Variants in CLSTN2 observed in about 807,000 individuals in gnomAD.
The protein encoded by CLSTN2 is calsyntenin 2.
Under a neutral mutation model 101.2 loss-of-function variants are expected in CLSTN2, and 48 were observed. The observed-to-expected ratio is 0.47, with a 90% CI of 0.38 to 0.60. The LOEUF (loss-of-function observed/expected upper bound fraction) is 0.60. Among genes scored for constraint, CLSTN2 ranks in the 20% least tolerant of loss-of-function variants. The probability of loss-of-function intolerance (pLI) is 0.00; values close to 1 mark genes in which losing one functional copy is unlikely to be tolerated. For synonymous variants in CLSTN2, 481 were observed against 463.6 expected (o/e 1.04, Z -0.48); for missense variants, 1,160 against 1,238.2 (o/e 0.94, Z 0.95).
At chr3:140,004,613 A>G (rs2006917043) in intron 1 of CLSTN2, among the ~76,000 whole-genome samples, 1 of 152,200 alleles carries the variant, frequency 6.6e-6, no homozygotes, top group Non-Finnish European at 1.5e-5. Flanking sequence ...TAATTTACTA[A>G]CATAGTGGAG....
chr3:140,532,273 T>G lies in CLSTN2; in HGVS notation c.1345-51T>G, dbSNP rs6788857. On this transcript the variant is annotated intron_variant, in intron 8 of 16. Coordinates refer to ENST00000458420, the MANE Select transcript of CLSTN2 (RefSeq NM_022131.3). ...TTTCATAGAGTAAAAGCCTGTTTGA[T>G]GTTTTATTACATATTCAATTTTAAA... 8.3e-3 allele frequency: 12,176 copies of G among 1,472,438 alleles called. 798 individuals carry two copies. The African/African-American group carries it at 0.15, about 18-fold the overall frequency. The allele number at this position is 1,472,438 out of a possible 1,614,324, so 91.2% of individuals were successfully genotyped here.
chr3:140,095,553 C>G (rs567290301), intron 1 of CLSTN2, among the ~76,000 whole-genome samples: 1 of 152,224 alleles, frequency 6.6e-6, no homozygotes, highest in Non-Finnish European at 1.5e-5. Flanking sequence ...CTTCTGATCA[C>G]GTCATGCATT....
chr3:140,375,334 G>T (rs1479854), intron 2 of CLSTN2, among the ~76,000 whole-genome samples: 3 of 152,158 alleles, frequency 2.0e-5, no homozygotes, highest in African/African-American at 7.2e-5. Context: ...CTCCACTCAG[G>T]GGATGTTTGC....
chr3:140,211,446 T>C (rs1380365300), intron 2 of CLSTN2, among the ~76,000 whole-genome samples: 1 of 142,438 alleles, frequency 7.0e-6, no homozygotes, highest in African/African-American at 2.5e-5. Context: ...TATATATTAT[T>C]TATCAAAAAT....
At chr3:140,381,539 G>A (rs992260987) in intron 2 of CLSTN2, among the ~76,000 whole-genome samples, 3 of 152,212 alleles carry the variant, frequency 2.0e-5, no homozygotes, top group African/African-American at 7.2e-5. Context: ...GGTCTAAATT[G>A]TGTAAAGCTC....
intron 2 of CLSTN2, among the ~76,000 whole-genome samples, chr3:140,366,471 T>G (rs2087790629): frequency 6.6e-6 from 1 of 152,188 alleles, no homozygotes; most frequent in Non-Finnish European, 1.5e-5. Flanking sequence ...GACACTAAAA[T>G]GCATGGCAGC....
At chr3:140,378,380 A>G (rs889173946) in intron 2 of CLSTN2, among the ~76,000 whole-genome samples, 5 of 152,240 alleles carry the variant, frequency 3.3e-5, no homozygotes, top group Non-Finnish European at 7.3e-5. Context: ...ATATCTAAAT[A>G]TGTTTAATTC....
In CLSTN2 at chr3:140,575,270, T is replaced by C. The variant is rs752887224; in HGVS notation, c.*9017T>C. 2 of 152,176 alleles carry C rather than the reference T, an allele frequency of 1.3e-5. No homozygotes were observed. Among genetic ancestry groups the C allele is most frequent in the African/African-American group, 4.8e-5 (2 of 41,416 alleles). The allele number at this position is 152,176 out of a possible 1,614,324, so 9.4% of individuals were successfully genotyped here. ...AGATATTGAGGGAAAATGTGACTCA[T>C]AGTTGGAGAGGAAACAGGAGAGTGG... On this transcript the variant is annotated 3_prime_UTR_variant, in exon 17 of 17. Coordinates refer to ENST00000458420, the MANE Select transcript of CLSTN2 (RefSeq NM_022131.3).
At chr3:140,219,364 G>T (rs140688636) in intron 2 of CLSTN2, among the ~76,000 whole-genome samples, 2 of 152,164 alleles carry the variant, frequency 1.3e-5, no homozygotes, top group East Asian at 2.0e-4. Context: ...TTAGTTGCGC[G>T]TGAGTGAGTT....
intron 2 of CLSTN2, among the ~76,000 whole-genome samples, chr3:140,364,139 G>A (rs920951016): frequency 3.9e-5 from 6 of 152,110 alleles, no homozygotes; most frequent in East Asian, 1.9e-4. Flanking sequence ...TTATCCACCC[G>A]CTTCCCAGAA....
In CLSTN2 at chr3:140,305,849, T is replaced by C. The variant is rs565243856; in HGVS notation, c.233-97780T>C. On this transcript the variant is annotated intron_variant, in intron 2 of 16. Coordinates refer to ENST00000458420, the MANE Select transcript of CLSTN2 (RefSeq NM_022131.3). ...TTTTCAAAGTGCACAAAATGAAGCC[T>C]GGCAGGACTGACACTAAAAACTGAT... is the stretch of plus-strand genomic sequence containing the variant. Among the ~76,000 whole-genome samples the C allele has an allele frequency of 7.9e-5, 12 of 152,216 alleles. No individual in the cohort carries two copies. In the East Asian group the frequency reaches 2.3e-3, roughly 29 times the overall value.
intron 5 of CLSTN2, among the ~76,000 whole-genome samples, chr3:140,442,134 C>A (rs150831631): frequency 6.6e-6 from 1 of 152,292 alleles, no homozygotes; most frequent in Non-Finnish European, 1.5e-5. Context: ...GGGGGCCTTA[C>A]TGACCCTGGA....
chr3:140,196,623 C>T (rs2010646639), intron 2 of CLSTN2, among the ~76,000 whole-genome samples: 3 of 152,126 alleles, frequency 2.0e-5, no homozygotes, highest in South Asian at 4.1e-4. Flanking sequence ...GCCTTTCAGT[C>T]CCGTGTAATT....
At chr3:140,277,841 A>G (rs2086809429) in intron 2 of CLSTN2, among the ~76,000 whole-genome samples, 1 of 152,236 alleles carries the variant, frequency 6.6e-6, no homozygotes, top group Admixed American at 6.5e-5. Context: ...ATGAAGGAAT[A>G]TCCATGTTCT....
intron 1 of CLSTN2, 28 bp from the exon 2 acceptor site, chr3:140,175,923 T>C (rs2010316137): frequency 6.3e-7 from 1 of 1,599,452 alleles, no homozygotes; most frequent in East Asian, 2.2e-5. Context: ...ATAATGATCC[T>C]TTTTGTTTTT....
intron 1 of CLSTN2, among the ~76,000 whole-genome samples, chr3:140,175,192 T>C (rs1268044537): frequency 6.6e-6 from 1 of 152,206 alleles, no homozygotes; most frequent in African/African-American, 2.4e-5. Context: ...TTCTAAGTGT[T>C]AGGATATCAA....
At chr3:140,304,581 C>T (rs2087093794) in intron 2 of CLSTN2, among the ~76,000 whole-genome samples, 2 of 152,218 alleles carry the variant, frequency 1.3e-5, no homozygotes, top group Non-Finnish European at 2.9e-5. Flanking sequence ...CCCAAAGACC[C>T]CACTTCCAAA....
At chr3:140,497,052 G>C (rs1437451434) in intron 8 of CLSTN2, among the ~76,000 whole-genome samples, 1 of 147,414 alleles carries the variant, frequency 6.8e-6, no homozygotes, top group Non-Finnish European at 1.5e-5. Context: ...AGTAAGCCGA[G>C]ATTGCGCTAT....
At chr3:140,001,207 C>T (rs9853746) in intron 1 of CLSTN2, among the ~76,000 whole-genome samples, 47,032 of 152,012 alleles carry the variant, frequency 0.31, 9,036 homozygotes, top group Non-Finnish European at 0.43. Context: ...ACTCTTACTA[C>T]GTGTAAGTTA....
Sources: gnomAD v4.1 joint callset for allele counts (sites outside exome capture counted in the v4.1 genomes callset) on GRCh38, gnomAD v4.1.1 for gene constraint, MANE v1.5 for transcripts, NCBI Gene and HGNC (gene_info 2026-07-23, HGNC 2026-07-21) for gene names.